Variants in GRIN2D observed in about 807,000 individuals in gnomAD.
GRIN2D encodes glutamate ionotropic receptor NMDA type subunit 2D, also known as glutamate receptor ionotropic, NMDA 2D.
In GRIN2D, 37 loss-of-function variants were observed where a neutral mutation model predicts 103.2. That is an observed-to-expected ratio of 0.36 (90% CI 0.28 to 0.47). The LOEUF (loss-of-function observed/expected upper bound fraction) is 0.47, where lower values mean the gene tolerates loss of function less well. GRIN2D is among the 20% of genes least tolerant of loss of function. GRIN2D has a pLI of 1.00. For synonymous variants in GRIN2D, 845 were observed against 885.6 expected (o/e 0.95, Z 0.81); for missense variants, 1,557 against 1,910.6 (o/e 0.81, Z 3.45).
At chr19:48,429,996 G>A (rs1394035836) in intron 11 of GRIN2D, among the ~76,000 whole-genome samples, 1 of 152,056 alleles carries the variant, frequency 6.6e-6, no homozygotes, top group Non-Finnish European at 1.5e-5. Flanking sequence ...ACTACCTCTT[G>A]ATTTTTCAAT....
Position 48,398,719 on chromosome 19 carries a change from G to A in GRIN2D, c.327G>A (p.Gly109=). ...LVLQLCDLLS[G]LRVHGVVFED... The stretch of plus-strand genomic sequence containing the variant: ...TGCAGCTCTGCGACCTGCTGTCGGG[G>A]TTGCGCGTGCACGGCGTGGTCTTCG... The change falls in exon 3 of 14, where the codon GGG becomes GGA. Residue 109 remains glycine, a synonymous_variant. Coordinates refer to ENST00000263269, the MANE Select transcript of GRIN2D (RefSeq NM_000836.4). 1 of 1,468,524 alleles carries A rather than the reference G, an allele frequency of 6.8e-7. No individual in the cohort carries two copies. The highest frequency in any genetic ancestry group is 9.0e-7 in the Non-Finnish European group (1 of 1,116,172). 91.0% of individuals were successfully genotyped at this position (1,468,524 alleles called of 1,614,324 possible). A position where few individuals can be genotyped will look rare whatever the true frequency, so the allele number is the denominator to read the frequency against.
intron 3 of GRIN2D, among the ~76,000 whole-genome samples, chr19:48,403,198 CAAAAAA>C (rs145115482): frequency 1.1e-5 from 1 of 91,318 alleles, no homozygotes. Context: ...GACTCTGTCT[CAAAAAA>C]AAAAAAAAAA....
At position 48,408,079 on chromosome 19, in the gene GRIN2D, A is replaced by G. The variant is rs148575304; in HGVS notation, c.1085+2726A>G. On this transcript the variant is annotated intron_variant, in intron 4 of 13. Coordinates refer to ENST00000263269, the MANE Select transcript of GRIN2D (RefSeq NM_000836.4). Reference sequence around the variant, plus strand: ...GCCGGGCGTGGTGGCTCACACCTGTAATCCCAGCACTTTGGGAGGCCGAGG... The same window carrying G: ...GCCGGGCGTGGTGGCTCACACCTGTGATCCCAGCACTTTGGGAGGCCGAGG... Among the ~76,000 whole-genome samples the G allele has an allele frequency of 1.4e-3, 209 of 152,278 alleles. 1 individual carries two copies. Among genetic ancestry groups the G allele is most frequent in the African/African-American group, 4.7e-3 (197 of 41,572 alleles).
chr19:48,425,470 A>C (rs1287158196), intron 11 of GRIN2D, among the ~76,000 whole-genome samples: 4 of 152,088 alleles, frequency 2.6e-5, no homozygotes, highest in African/African-American at 9.7e-5. Flanking sequence ...TTGAACTCCT[A>C]ACCTTAAGTG....
chr19:48,435,578 G>A (rs1326210613), intron 11 of GRIN2D, among the ~76,000 whole-genome samples: 1 of 152,200 alleles, frequency 6.6e-6, no homozygotes, highest in East Asian at 1.9e-4. Context: ...CCGAGTGGCT[G>A]AGATTACAGG....
At chr19:48,400,122 G>A (rs976386041) in intron 3 of GRIN2D, among the ~76,000 whole-genome samples, 15 of 152,202 alleles carry the variant, frequency 9.9e-5, no homozygotes, top group Non-Finnish European at 5.9e-5. Flanking sequence ...GCCAGAGCCT[G>A]GAGAAAGGCC....
intron 4 of GRIN2D, among the ~76,000 whole-genome samples, chr19:48,410,353 C>A (rs1970842545): frequency 6.6e-6 from 1 of 151,018 alleles, no homozygotes; most frequent in Non-Finnish European, 1.5e-5. Context: ...CACAGCAAAA[C>A]CCCGTCTCTA....
chr19:48,424,539 G>C (rs1444995406), intron 11 of GRIN2D, among the ~76,000 whole-genome samples: 1 of 151,908 alleles, frequency 6.6e-6, no homozygotes, highest in Non-Finnish European at 1.5e-5. Context: ...CAAAGTGCTG[G>C]GATTACAGGC....
intron 4 of GRIN2D, among the ~76,000 whole-genome samples, chr19:48,411,585 G>T (rs1253140602): frequency 1.3e-5 from 2 of 151,924 alleles, no homozygotes; most frequent in East Asian, 1.9e-4. Context: ...GGAGGCGGAG[G>T]TTCCAGCGAG....
chr19:48,439,849 A>G (rs1600995301), intron 11 of GRIN2D, among the ~76,000 whole-genome samples: 1 of 152,210 alleles, frequency 6.6e-6, no homozygotes, highest in East Asian at 1.9e-4. Context: ...AGGCTGAGAC[A>G]GGAGAATCGT....
At chr19:48,425,057 G>A (rs892136453) in intron 11 of GRIN2D, among the ~76,000 whole-genome samples, 3 of 151,798 alleles carry the variant, frequency 2.0e-5, no homozygotes, top group Admixed American at 6.6e-5. Context: ...ACAAAACAGG[G>A]TGCCTTTCCA....
intron 8 of GRIN2D, among the ~76,000 whole-genome samples, chr19:48,418,194 C>A (rs1206040802): frequency 1.3e-5 from 2 of 151,928 alleles, no homozygotes. Context: ...CCACGACACC[C>A]AGCTAATTTT....
Position 48,422,064 on chromosome 19 carries a change from A to T in GRIN2D, c.2252+119A>T, listed in dbSNP as rs544727338. 4.0e-5 allele frequency: 39 copies of T among 965,826 alleles called. No individual in the cohort carries two copies. In the African/African-American group the frequency reaches 4.6e-4, roughly 11 times the overall value. 59.8% of individuals were successfully genotyped at this position (965,826 alleles called of 1,614,324 possible). ...CCCAGAGGTCAGCCCTGGGTGGGTC[A>T]GCTTGGAGGGCGGAGGTCACTGAGG... On this transcript the variant is annotated intron_variant, in intron 11 of 13. Coordinates refer to ENST00000263269, the MANE Select transcript of GRIN2D (RefSeq NM_000836.4).
intron 11 of GRIN2D, among the ~76,000 whole-genome samples, chr19:48,441,013 G>C (rs1000162027): frequency 6.6e-6 from 1 of 152,088 alleles, no homozygotes; most frequent in Non-Finnish European, 1.5e-5. Context: ...TAAAATGCAA[G>C]AGTAAATGGA....
chr19:48,422,395 A>C (rs1000536151), intron 11 of GRIN2D, among the ~76,000 whole-genome samples: 1 of 152,042 alleles, frequency 6.6e-6, no homozygotes, highest in Non-Finnish European at 1.5e-5. Flanking sequence ...GGCGGATCAC[A>C]AGGTCAGGAG....
At chr19:48,399,771 A>G (rs943595786) in intron 3 of GRIN2D, among the ~76,000 whole-genome samples, 1 of 151,446 alleles carries the variant, frequency 6.6e-6, no homozygotes, top group African/African-American at 2.4e-5. Flanking sequence ...GAGTCATTAG[A>G]GAGAGGAGGA....
chr19:48,425,237 G>C (rs1971073603), intron 11 of GRIN2D, among the ~76,000 whole-genome samples: 1 of 150,030 alleles, frequency 6.7e-6, no homozygotes, highest in African/African-American at 2.4e-5. Context: ...GGGCGGGCGG[G>C]GGGGATCCCA....
chr19:48,420,167 A>G (rs777874305), intron 10 of GRIN2D, among the ~76,000 whole-genome samples: 5 of 151,806 alleles, frequency 3.3e-5, no homozygotes, highest in African/African-American at 4.8e-5. Flanking sequence ...GGTGGCTCAC[A>G]CCTGTAATCC....
chr19:48,394,514 C>T lies in GRIN2D; in HGVS notation c.-305-144C>T, dbSNP rs1970610361. Among the ~76,000 whole-genome samples, 1 of 133,658 alleles carries T rather than the reference C, an allele frequency of 7.5e-6. No homozygotes were observed. The highest frequency in any genetic ancestry group is 2.9e-5 in the African/African-American group (1 of 34,504). The allele number at this position is 133,658 out of a possible 152,430, so 87.7% of individuals were successfully genotyped here. On this transcript the variant is annotated intron_variant, in intron 1 of 13. Transcript: ENST00000263269. The surrounding 1 kb of genome is among the most constrained non-coding windows in gnomAD (Gnocchi z 5.1). Reference sequence around the variant, plus strand: ...GCGAGTGAGCCAGGGAGAGGCGGGACTGGACACATGGAAAGGGGGGAGGAG... The same window carrying T: ...GCGAGTGAGCCAGGGAGAGGCGGGATTGGACACATGGAAAGGGGGGAGGAG...
Sources: gnomAD v4.1 joint callset for allele counts (sites outside exome capture counted in the v4.1 genomes callset) on GRCh38, gnomAD v4.1.1 for gene constraint, Gnocchi (gnomAD v3.1) non-coding constraint, MANE v1.5 for transcripts, NCBI Gene and HGNC (gene_info 2026-07-23, HGNC 2026-07-21) for gene names.